The following ERRFI1 variants were observed in gnomAD, a reference collection of about 807,000 sequenced individuals.
The protein encoded by ERRFI1 is ERBB receptor feedback inhibitor 1.
ERRFI1 carries 12 observed loss-of-function variants against 14.6 expected under a neutral mutation model. That is an observed-to-expected ratio of 0.82 (90% CI 0.53 to 1.33). The LOEUF (loss-of-function observed/expected upper bound fraction) is 1.33, where lower values mean the gene tolerates loss of function less well. ERRFI1 is among the 40% of genes most tolerant of loss of function. The pLI, the probability that ERRFI1 is intolerant of heterozygous loss-of-function variation, is 0.00. For synonymous variants in ERRFI1, 202 were observed against 209.9 expected (o/e 0.96, Z 0.32); for missense variants, 482 against 572.1 (o/e 0.84, Z 1.61).
chr1:8,013,583 G>A lies in ERRFI1; in HGVS notation c.1016C>T (p.Pro339Leu), dbSNP rs746627277. ...GGGCATGACCCCATTGAGGTAAGAC[G>A]GAAGGCTTTTGGGACTCGGTGTGCG... ...NSRTPSPKSLPSYLNGVMPPT... is the reference protein window; with the variant it reads ...NSRTPSPKSLLSYLNGVMPPT... Residue 339 changes from proline to leucine, a missense_variant, in exon 4 of 4, where the codon CCG becomes CTG. Physicochemically the swap from Pro to Leu is moderately conservative, Grantham distance 98. Transcript: ENST00000377482. The surrounding 1 kb of genome is among the most constrained non-coding windows in gnomAD (Gnocchi z 4.3). The A allele has an allele frequency of 1.2e-5, 20 of 1,614,024 alleles. No individual in the cohort carries two copies. Among genetic ancestry groups the A allele is most frequent in the South Asian group, 2.2e-5 (2 of 91,076 alleles).
chr1:8,014,516 G>A, intron 3 of ERRFI1, 120 bp from the exon 4 acceptor site: 1 of 942,592 alleles, frequency 1.1e-6, no homozygotes, highest in Non-Finnish European at 1.6e-6. Context: ...ACACTTGACT[G>A]CTGTCACCCC....
At chr1:8,023,130 T>C (rs1209850774) in intron 1 of ERRFI1, among the ~76,000 whole-genome samples, 1 of 152,188 alleles carries the variant, frequency 6.6e-6, no homozygotes, top group African/African-American at 2.4e-5. Flanking sequence ...ACTGAGCGAA[T>C]AGTTGTTTAA....
chr1:8,025,668 AAAATC>A (rs1557469309), intron 1 of ERRFI1, among the ~76,000 whole-genome samples: 1 of 152,154 alleles, frequency 6.6e-6, no homozygotes, highest in Non-Finnish European at 1.5e-5. Flanking sequence ...AAATAAAAAA[AAAATC>A]AAACAAGCCC....
At chr1:8,021,326 T>C (rs189004852) in intron 1 of ERRFI1, among the ~76,000 whole-genome samples, 2 of 152,338 alleles carry the variant, frequency 1.3e-5, no homozygotes, top group South Asian at 2.1e-4. Context: ...CATAATCCAG[T>C]CTTTCAACTC....
chr1:8,021,741 C>G (rs1321455566), intron 1 of ERRFI1, among the ~76,000 whole-genome samples: 1 of 152,198 alleles, frequency 6.6e-6, no homozygotes, highest in African/African-American at 2.4e-5. Context: ...TTAATCCTCT[C>G]TACAATGCCA....
chr1:8,016,139 TG>T (rs1381545790), intron 1 of ERRFI1, among the ~76,000 whole-genome samples: 3 of 152,212 alleles, frequency 2.0e-5, no homozygotes, highest in African/African-American at 7.2e-5. Context: ...TATTTTATGC[TG>T]TAGAACTAAT....
At chr1:8,014,847 A>G (rs765943709) in intron 3 of ERRFI1, 1 of 205,852 alleles carries the variant, frequency 4.9e-6, no homozygotes, top group Non-Finnish European at 9.9e-6. Context: ...ACTTGCCTGC[A>G]ATGTGTTCAG....
At chr1:8,015,841 C>A in intron 1 of ERRFI1, 149 bp from the exon 2 acceptor site, 1 of 538,974 alleles carries the variant, frequency 1.9e-6, no homozygotes, top group Non-Finnish European at 3.3e-6. Context: ...TCTCACAGCT[C>A]GTGAGGGTAC....
At chr1:8,020,841 G>A (rs534832778) in intron 1 of ERRFI1, among the ~76,000 whole-genome samples, 24 of 152,230 alleles carry the variant, frequency 1.6e-4, no homozygotes, top group Non-Finnish European at 3.1e-4. Flanking sequence ...TACCACGCCC[G>A]GCCCAGATTT....
chr1:8,019,404 G>A (rs549639096), intron 1 of ERRFI1, among the ~76,000 whole-genome samples: 2 of 152,188 alleles, frequency 1.3e-5, no homozygotes, highest in South Asian at 2.1e-4. Flanking sequence ...CCATGAAGCC[G>A]CTCCCTTTCA....
intron 1 of ERRFI1, 150 bp from the exon 2 acceptor site, chr1:8,015,842 G>A (rs1250808169): frequency 1.5e-5 from 8 of 543,958 alleles, no homozygotes; most frequent in East Asian, 5.9e-5. Context: ...CTCACAGCTC[G>A]TGAGGGTACT....
At position 8,025,181 on chromosome 1, in the gene ERRFI1, G is replaced by T. The variant is rs533548221; in HGVS notation, c.-74+977C>A. On this transcript the variant is annotated intron_variant, in intron 1 of 3. Coordinates refer to ENST00000377482, the MANE Select transcript of ERRFI1 (RefSeq NM_018948.4). The stretch of plus-strand genomic sequence containing the variant: ...AGTCTCCATTCTGACTTAAGTTTAT[G>T]ACTAACCATCTATTCATATTTTTAT... 2.0e-5 allele frequency among the ~76,000 whole-genome samples: 3 copies of T among 152,258 alleles called. No individual in the cohort carries two copies. The South Asian group carries it at 6.2e-4, about 32-fold the overall frequency.
At chr1:8,024,147 A>G (rs1230093792) in intron 1 of ERRFI1, among the ~76,000 whole-genome samples, 1 of 152,218 alleles carries the variant, frequency 6.6e-6, no homozygotes, top group Non-Finnish European at 1.5e-5. Context: ...TTGTGCCTGT[A>G]ATTTACGCAA....
Position 8,012,856 on chromosome 1 carries a change from A to G in ERRFI1, c.*354T>C, listed in dbSNP as rs910378382. 3.6e-6 allele frequency: 1 copy of G among 274,868 alleles called. No homozygotes were observed. The highest frequency in any genetic ancestry group is 7.0e-6 in the Non-Finnish European group (1 of 143,436). 17.0% of individuals were successfully genotyped at this position (274,868 alleles called of 1,614,324 possible). A position where few individuals can be genotyped will look rare whatever the true frequency, so the allele number is the denominator to read the frequency against. ...AGCTTGAGTTTATTATTCTGAATAT[A>G]TATTACTCTACGATAGTAACTAATT... On this transcript the variant is annotated 3_prime_UTR_variant, in exon 4 of 4. Coordinates refer to ENST00000377482, the MANE Select transcript of ERRFI1 (RefSeq NM_018948.4).
intron 1 of ERRFI1, among the ~76,000 whole-genome samples, chr1:8,016,007 G>A (rs1362364069): frequency 6.6e-6 from 1 of 152,178 alleles, no homozygotes; most frequent in East Asian, 1.9e-4. Flanking sequence ...ACTTGGCAAT[G>A]CACACAGACC....
Position 8,015,296 on chromosome 1 carries a change from C to T in ERRFI1, c.202+12G>A, listed in dbSNP as rs778682070. ...CAAATGCTTACTGTGATCAGATTTT[C>T]AGAATACATACCAAGTGGTATTAGG... On this transcript the variant is annotated intron_variant, in intron 3 of 3. Transcript: ENST00000377482. 2 of 1,611,118 alleles carry T rather than the reference C, an allele frequency of 1.2e-6. No individual in the cohort carries two copies. The highest frequency in any genetic ancestry group is 4.5e-5 in the East Asian group (2 of 44,874).
At chr1:8,021,184 C>T (rs1275112538) in intron 1 of ERRFI1, among the ~76,000 whole-genome samples, 1 of 152,096 alleles carries the variant, frequency 6.6e-6, no homozygotes, top group Non-Finnish European at 1.5e-5. Flanking sequence ...ATAGAGGCAA[C>T]AGAGAAAATA....
intron 1 of ERRFI1, among the ~76,000 whole-genome samples, chr1:8,023,795 C>G (rs1641304775): frequency 6.6e-6 from 1 of 152,132 alleles, no homozygotes; most frequent in Admixed American, 6.5e-5. Context: ...CATTTAGGAC[C>G]CTCAAACTCA....
Position 8,013,933 on chromosome 1 carries a change from G to C in ERRFI1, c.666C>G (p.Leu222=), listed in dbSNP as rs1264416658. 3.1e-6 allele frequency: 5 copies of C among 1,614,028 alleles called. No homozygotes were observed. The highest frequency in any genetic ancestry group is 1.3e-5 in the African/African-American group (1 of 74,920). The part of the protein sequence containing the change: ...FDTPAVSAAD[L]SYVSDQNGGV... ...CTCCATTTTGGTCAGACACATAGCT[G>C]AGATCTGCTGCAGAAACAGCTGGGG... The change falls in exon 4 of 4, where the codon CTC becomes CTG. Residue 222 remains leucine, a synonymous_variant. Coordinates refer to ENST00000377482, the MANE Select transcript of ERRFI1 (RefSeq NM_018948.4). This position sits in a 1 kb window ranked among gnomAD's most constrained non-coding sequence, Gnocchi z 4.3.
Sources: allele counts gnomAD v4.1 joint callset (sites outside exome capture counted in the v4.1 genomes callset), GRCh38; gene constraint gnomAD v4.1.1; non-coding constraint Gnocchi (gnomAD v3.1); transcripts MANE v1.5; gene names NCBI Gene and HGNC (gene_info 2026-07-23, HGNC 2026-07-21).